CSTF2: variants seen among roughly 807,000 people sequenced by gnomAD.
CSTF2 encodes the protein cleavage stimulation factor subunit 2.
A neutral mutation model predicts 45.4 loss-of-function variants in CSTF2; 8 were observed. The observed-to-expected ratio is 0.18, with a 90% CI of 0.10 to 0.32. CSTF2 has a LOEUF of 0.32. Ranked by LOEUF, CSTF2 falls within the 10% of genes least tolerant of loss-of-function variation. CSTF2 has a pLI of 1.00. For missense variants in CSTF2, 253 were observed against 477.1 expected, an observed-to-expected ratio of 0.53 and a Z score of 4.38; for synonymous variants, 155 against 158.9, an observed-to-expected ratio of 0.98 and a Z score of 0.18.
chrX:100,840,219 G>A (rs1171613717), intron 13 of CSTF2, among the ~76,000 whole-genome samples: 2 of 111,990 alleles, frequency 1.8e-5, no homozygotes, highest in Admixed American at 9.5e-5. Flanking sequence ...AAAGTGTTGG[G>A]TTTTCCTCCA....
At chrX:100,837,306 C>T (rs753960125) in intron 11 of CSTF2, 33 bp from the exon 12 acceptor site, 1 of 1,096,904 alleles carries the variant, frequency 9.1e-7, no homozygotes, top group Admixed American at 2.4e-5. Context: ...ATTAAAAATG[C>T]CAAAAATCTC....
rs1242418398 is a variant in CSTF2, at chrX:100,820,441, C to A, written c.25C>A (p.Pro9Thr). 2.5e-6 allele frequency: 3 copies of A among 1,211,831 alleles called. No homozygotes were observed. The stretch of plus-strand genomic sequence containing the variant: ...TATGGCGGGTTTGACTGTGAGAGAC[C>A]CAGCGGTGGATCGTTCTCTACGTTC... Reference protein sequence around the residue: MAGLTVRDPAVDRSLRSVF... With the variant: MAGLTVRDTAVDRSLRSVF... Residue 9 changes from proline to threonine, a missense_variant, in exon 1 of 14, where the codon CCA (proline) becomes ACA (threonine). By Grantham distance (38) the Pro-to-Thr change is conservative (BLOSUM62 -1). Transcript: ENST00000372972.
intron 3 of CSTF2, chrX:100,822,841 C>CAA (rs35086838): frequency 0.024 from 1,412 of 58,485 alleles, 21 homozygotes; most frequent in Middle Eastern, 0.055. Flanking sequence ...GACTCTGTCT[C>CAA]AAAAAAAAAA....
chrX:100,834,165 CG>C (rs1340680785), intron 11 of CSTF2, among the ~76,000 whole-genome samples: 1 of 111,370 alleles, frequency 9.0e-6, no homozygotes, highest in African/African-American at 3.3e-5. Flanking sequence ...GTGTTTCTTC[CG>C]TGAGTTTTTA....
Position 100,823,992 on chromosome X carries a change from C to T in CSTF2, c.551C>T (p.Pro184Leu), listed in dbSNP as rs1457383580. Residue 184 changes from proline to leucine, a missense_variant, in exon 5 of 14, where the codon CCG becomes CTG. Around this residue, in one of 3 missense-constraint regions of CSTF2, gnomAD observed 45 missense variants for 147.5 expected, o/e 0.31. Transcript: ENST00000372972. The part of the protein sequence containing the change: ...QAQVVMRIVD[P>L]EIALKILHRQ... ...CAGGTAGTGATGAGAATTGTGGATC[C>T]GGAAATTGCCCTGGTGAGTGCTTCT... The T allele has an allele frequency of 2.5e-6, 3 of 1,211,729 alleles. No homozygotes were observed. Among genetic ancestry groups the T allele is most frequent in the Non-Finnish European group, 3.4e-6 (3 of 895,442 alleles).
intron 13 of CSTF2, among the ~76,000 whole-genome samples, chrX:100,839,748 G>A (rs2085029677): frequency 9.0e-6 from 1 of 110,580 alleles, no homozygotes; most frequent in Admixed American, 9.6e-5. Flanking sequence ...TACATTCAGA[G>A]GAATAAATAA....
intron 6 of CSTF2, 53 bp from the exon 7 acceptor site, chrX:100,826,581 A>G: frequency 8.6e-7 from 1 of 1,165,316 alleles, no homozygotes; most frequent in Non-Finnish European, 1.2e-6. Flanking sequence ...TAGACTTAGT[A>G]TATTGAGTAT....
At chrX:100,839,174 A>C (rs868786555) in intron 13 of CSTF2, among the ~76,000 whole-genome samples, 30 of 107,353 alleles carry the variant, frequency 2.8e-4, no homozygotes, top group Middle Eastern at 4.7e-3. Flanking sequence ...GGTTGAGTCC[A>C]GGAGGTCAGG....
At chrX:100,834,690 T>C (rs1182148637) in intron 11 of CSTF2, among the ~76,000 whole-genome samples, 3 of 112,392 alleles carry the variant, frequency 2.7e-5, no homozygotes, top group East Asian at 2.8e-4. Context: ...TCAGCAAATA[T>C]TTATTGAGCA....
intron 6 of CSTF2, among the ~76,000 whole-genome samples, chrX:100,825,755 G>T (rs982988719): frequency 7.2e-5 from 8 of 110,897 alleles, no homozygotes; most frequent in African/African-American, 2.3e-4. Context: ...TGGCCCATGG[G>T]TCATAGTTTG....
At position 100,841,234 on chromosome X, in the gene CSTF2, G is replaced by A. The variant is rs1316383241; in HGVS notation, c.*524G>A. ...TATCACATGCTTAGAGCTATAAAATGGTCAGAAGGCTAACAGAGCAAAGAG... is the reference window on the plus strand; with the variant it reads ...TATCACATGCTTAGAGCTATAAAATAGTCAGAAGGCTAACAGAGCAAAGAG... On this transcript the variant is annotated 3_prime_UTR_variant, in exon 14 of 14. Transcript: ENST00000372972. 4.4e-5 allele frequency among the ~76,000 whole-genome samples: 5 copies of A among 112,395 alleles called. No individual in the cohort carries two copies.
chrX:100,824,484 G>C (rs1276126890), intron 6 of CSTF2, among the ~76,000 whole-genome samples: 1 of 111,735 alleles, frequency 8.9e-6, no homozygotes, highest in East Asian at 2.8e-4. Context: ...TTTCTTATAA[G>C]CTAACTTTGT....
intron 8 of CSTF2, among the ~76,000 whole-genome samples, chrX:100,831,177 C>A (rs2084973367): frequency 9.0e-6 from 1 of 111,038 alleles, no homozygotes; most frequent in Non-Finnish European, 1.9e-5. Context: ...TGGCAGTGTT[C>A]ACATATGCCA....
chrX:100,823,768 T>C (rs993725572), intron 4 of CSTF2, 118 bp from the exon 5 acceptor site: 3 of 864,607 alleles, frequency 3.5e-6, no homozygotes, highest in Non-Finnish European at 4.8e-6. Context: ...TTTTGTGCCA[T>C]GCAAAAACTA....
At position 100,826,881 on chromosome X, in the gene CSTF2, A is replaced by G. The variant is rs1187565381; in HGVS notation, c.826+124A>G. The G allele has an allele frequency of 5.1e-5, 33 of 645,215 alleles. No individual in the cohort carries two copies. The East Asian group carries it at 7.2e-4, about 14-fold the overall frequency. 53.2% of individuals were successfully genotyped at this position (645,215 alleles called of 1,213,427 possible). A position where few individuals can be genotyped will look rare whatever the true frequency, so the allele number is the denominator to read the frequency against. Reference sequence around the variant, plus strand: ...AAATTAATACACAGCTAGAAAGTATATATCTTAGGTGGAGGAAATAGTAGA... The same window carrying G: ...AAATTAATACACAGCTAGAAAGTATGTATCTTAGGTGGAGGAAATAGTAGA... On this transcript the variant is annotated intron_variant, in intron 7 of 13. Transcript: ENST00000372972.
At chrX:100,820,911 T>A (rs1164160073) in intron 1 of CSTF2, among the ~76,000 whole-genome samples, 1 of 112,263 alleles carries the variant, frequency 8.9e-6, no homozygotes, top group Admixed American at 9.4e-5. Flanking sequence ...GCATCAATAG[T>A]GGTAGCGGCC....
At chrX:100,821,987 G>A (rs1654651659) in intron 2 of CSTF2, among the ~76,000 whole-genome samples, 2 of 109,960 alleles carry the variant, frequency 1.8e-5, no homozygotes, top group African/African-American at 3.3e-5. Flanking sequence ...CAGCTACTCA[G>A]GAGGCTGAGA....
Position 100,834,760 on chromosome X carries a change from A to C in CSTF2, c.1500+1288A>C, listed in dbSNP as rs1287819223. Among the ~76,000 whole-genome samples, 6 of 112,353 alleles carry C rather than the reference A, an allele frequency of 5.3e-5. No individual in the cohort carries two copies. The East Asian group carries it at 1.4e-3, about 26-fold the overall frequency. Reference sequence around the variant, plus strand: ...GGATACTGCAGTGTGAACAGAACAAAGCCCCTTCCCCCATGGGCTTACATT... The same window carrying C: ...GGATACTGCAGTGTGAACAGAACAACGCCCCTTCCCCCATGGGCTTACATT... On this transcript the variant is annotated intron_variant, in intron 11 of 13. Coordinates refer to ENST00000372972, the MANE Select transcript of CSTF2 (RefSeq NM_001325.3).
At chrX:100,840,619 C>T (rs1473308177) in intron 13 of CSTF2, 95 bp from the exon 14 acceptor site, 2 of 111,636 alleles carry the variant, frequency 1.8e-5, no homozygotes, top group South Asian at 3.8e-4. Context: ...TGCCTGTCCT[C>T]CCTCCCCTAG....
Sources: gnomAD v4.1 joint callset for allele counts (sites outside exome capture counted in the v4.1 genomes callset) on GRCh38, gnomAD v4.1.1 for gene constraint, gnomAD v4.1.1 regional missense constraint, MANE v1.5 for transcripts, NCBI Gene and HGNC (gene_info 2026-07-23, HGNC 2026-07-21) for gene names.